IDO2: variants seen among roughly 807,000 people sequenced by gnomAD.
The protein encoded by IDO2 is indoleamine 2,3-dioxygenase-like 1 protein.
IDO2 carries 46 observed loss-of-function variants against 45.1 expected under a neutral mutation model. The observed-to-expected ratio is 1.02, with a 90% CI of 0.80 to 1.30. The LOEUF is 1.30. Ranked by LOEUF, IDO2 falls within the 50% of genes most tolerant of loss-of-function variation. The pLI is 0.00. For synonymous variants in IDO2, 218 were observed against 184.9 expected, an observed-to-expected ratio of 1.18 and a Z score of -1.45; for missense variants, 544 against 491.8, an observed-to-expected ratio of 1.11 and a Z score of -1.00.
intron 1 of IDO2, among the ~76,000 whole-genome samples, chr8:39,936,862 G>A (rs1156260932): frequency 6.6e-6 from 1 of 152,176 alleles, no homozygotes; most frequent in African/African-American, 2.4e-5. Context: ...CGTGGAAGTC[G>A]TCCTTCCTTT....
At chr8:39,997,784 G>A (rs1429133459) in intron 8 of IDO2, 1 of 153,016 alleles carries the variant, frequency 6.5e-6, no homozygotes, top group Non-Finnish European at 1.5e-5. Flanking sequence ...ATTTTCACCA[G>A]TCGTTGTCTT....
At chr8:39,986,619 G>A (rs1808426358) in intron 6 of IDO2, among the ~76,000 whole-genome samples, 1 of 152,030 alleles carries the variant, frequency 6.6e-6, no homozygotes, top group African/African-American at 2.4e-5. Context: ...AGATCATTTA[G>A]AAATGATTCC....
chr8:39,988,049 G>C, intron 7 of IDO2, 79 bp downstream of exon 7: 2 of 795,590 alleles, frequency 2.5e-6, no homozygotes, highest in South Asian at 3.3e-5. Flanking sequence ...TTCCTGCAGT[G>C]GATTTCTCAA....
intron 2 of IDO2, among the ~76,000 whole-genome samples, chr8:39,954,513 A>G (rs1354749964): frequency 1.3e-5 from 2 of 152,180 alleles, no homozygotes; most frequent in Non-Finnish European, 2.9e-5. Flanking sequence ...TTCTTGAGGC[A>G]GGAAGTCCAA....
chr8:40,010,040 G>GC (rs1563443033), intron 9 of IDO2, among the ~76,000 whole-genome samples: 2 of 70,530 alleles, frequency 2.8e-5, no homozygotes, highest in African/African-American at 1.3e-4. Flanking sequence ...AATGCGGTGG[G>GC]TGGGGGGATG....
intron 9 of IDO2, among the ~76,000 whole-genome samples, chr8:40,011,128 G>A (rs1802303937): frequency 6.6e-6 from 1 of 152,120 alleles, no homozygotes; most frequent in African/African-American, 2.4e-5. Flanking sequence ...CCAGGCTGGT[G>A]TCAAACTCCT....
chr8:39,958,541 C>T (rs986776904), intron 2 of IDO2, among the ~76,000 whole-genome samples: 10 of 152,338 alleles, frequency 6.6e-5, no homozygotes, highest in East Asian at 3.9e-4. Context: ...GGATTACAGA[C>T]GTCTGCCACC....
intron 8 of IDO2, among the ~76,000 whole-genome samples, chr8:40,000,065 CTT>C (rs769335420): frequency 2.6e-5 from 4 of 152,128 alleles, no homozygotes; most frequent in Non-Finnish European, 4.4e-5. Context: ...TTTTTAAAGA[CTT>C]ATTTAATTTA....
At chr8:39,938,271 T>C (rs1035842627) in intron 1 of IDO2, among the ~76,000 whole-genome samples, 1 of 128,120 alleles carries the variant, frequency 7.8e-6, no homozygotes, top group African/African-American at 3.0e-5. Flanking sequence ...AGTGAGACTC[T>C]ATCTCTACAA....
intron 9 of IDO2, among the ~76,000 whole-genome samples, chr8:40,005,786 C>G (rs1802212098): frequency 6.6e-6 from 1 of 152,140 alleles, no homozygotes; most frequent in African/African-American, 2.4e-5. Flanking sequence ...CCTGGAAGAG[C>G]TACACTGTGG....
intron 1 of IDO2, among the ~76,000 whole-genome samples, chr8:39,948,447 TAA>T: frequency 6.6e-6 from 1 of 152,174 alleles, no homozygotes; most frequent in Non-Finnish European, 1.5e-5. Flanking sequence ...AAGGTCACAG[TAA>T]GACTCAAGCC....
chr8:40,015,519 G>A, exon 11 of IDO2: 1 of 1,614,002 alleles, frequency 6.2e-7, no homozygotes, highest in East Asian at 2.2e-5. Flanking sequence ...AAAAGACAGG[G>A]GCACAGGTGG....
intron 1 of IDO2, 26 bp from the exon 2 acceptor site, chr8:39,949,123 A>T: frequency 6.4e-7 from 1 of 1,574,232 alleles, no homozygotes; most frequent in Non-Finnish European, 8.6e-7. Flanking sequence ...GGAACAATTG[A>T]TTCTTCAGTG....
Position 39,989,843 on chromosome 8 carries a change from G to A in IDO2, c.667+5G>A. 1 of 1,566,518 alleles carries A rather than the reference G, an allele frequency of 6.4e-7. No homozygotes were observed. The highest frequency in any genetic ancestry group is 8.7e-7 in the Non-Finnish European group (1 of 1,151,484). ...AAACCTTAGGACAGATGCATGGTAA[G>A]ATGCTTCCGAAGCTCCTGAAGGATC... On this transcript the variant is annotated splice_donor_5th_base_variant and intron_variant, in intron 8 of 10. Coordinates refer to ENST00000502986, the Ensembl canonical transcript of IDO2.
chr8:40,003,260 C>T (rs1268535355), intron 8 of IDO2, among the ~76,000 whole-genome samples: 1 of 151,286 alleles, frequency 6.6e-6, no homozygotes, highest in Non-Finnish European at 1.5e-5. Flanking sequence ...GTCCCAGCTA[C>T]TCAGGATGCT....
intron 1 of IDO2, among the ~76,000 whole-genome samples, chr8:39,947,002 A>G (rs1807742031): frequency 6.6e-6 from 1 of 152,018 alleles, no homozygotes; most frequent in Non-Finnish European, 1.5e-5. Context: ...TCTACTAAAA[A>G]TACAAAAAAT....
At chr8:40,011,039 T>C (rs1802302426) in intron 9 of IDO2, among the ~76,000 whole-genome samples, 1 of 152,134 alleles carries the variant, frequency 6.6e-6, no homozygotes, top group Admixed American at 6.6e-5. Flanking sequence ...GCCTCCCGAG[T>C]AGCTGGGACT....
chr8:39,951,832 G>A (rs552530188), intron 2 of IDO2, among the ~76,000 whole-genome samples: 6 of 152,300 alleles, frequency 3.9e-5, no homozygotes, highest in South Asian at 2.1e-4. Flanking sequence ...TAAACATGAC[G>A]TAGATCCACA....
chr8:39,941,850 C>T (rs1483402670), intron 1 of IDO2, among the ~76,000 whole-genome samples: 12 of 151,520 alleles, frequency 7.9e-5, no homozygotes, highest in Non-Finnish European at 1.0e-4. Flanking sequence ...TTTGGGAGGC[C>T]GAGGCAGAAG....
Sources: gnomAD v4.1 joint callset for allele counts (sites outside exome capture counted in the v4.1 genomes callset) on GRCh38, gnomAD v4.1.1 for gene constraint, MANE v1.5 for transcripts, NCBI Gene and HGNC (gene_info 2026-07-23, HGNC 2026-07-21) for gene names.